Variants in ZC3H13 observed in about 807,000 individuals in gnomAD.
ZC3H13 encodes zinc finger CCCH domain-containing protein 13.
Under a neutral mutation model 204.1 loss-of-function variants are expected in ZC3H13, and 64 were observed. That is an observed-to-expected ratio of 0.31 (90% confidence interval 0.26 to 0.39). The LOEUF (loss-of-function observed/expected upper bound fraction) is 0.39. ZC3H13 is among the 10% of genes least tolerant of loss of function. The pLI is 1.00. For missense variants in ZC3H13, 1,833 were observed against 2,082.7 expected (o/e 0.88, Z 2.33); for synonymous variants, 667 against 693.7 (o/e 0.96, Z 0.60).
Position 45,956,764 on chromosome 13 carries a change from T to A in ZC3H13, c.*363A>T, listed in dbSNP as rs1185397369. 6.2e-6 allele frequency: 1 copy of A among 160,518 alleles called. No homozygotes were observed. The highest frequency in any genetic ancestry group is 1.4e-5 in the Non-Finnish European group (1 of 73,472). The allele number at this position is 160,518 out of a possible 1,614,324, so 9.9% of individuals were successfully genotyped here. A position where few individuals can be genotyped will look rare whatever the true frequency, so the allele number is the denominator to read the frequency against. ...ATTGTTTTTGAATAAAATTGTTGGTTCTGTATGGATGATCCAGACATAAAT... is the reference window on the plus strand; with the variant it reads ...ATTGTTTTTGAATAAAATTGTTGGTACTGTATGGATGATCCAGACATAAAT... On this transcript the variant is annotated 3_prime_UTR_variant, in exon 19 of 19. Transcript: ENST00000679008.
At chr13:46,015,961 C>G (rs1453532972) in intron 5 of ZC3H13, among the ~76,000 whole-genome samples, 1 of 151,488 alleles carries the variant, frequency 6.6e-6, no homozygotes, top group African/African-American at 2.4e-5. Flanking sequence ...AACACAATAG[C>G]AGAACGGCAG....
At chr13:46,033,200 T>C (rs1394628982) in intron 4 of ZC3H13, among the ~76,000 whole-genome samples, 1 of 152,066 alleles carries the variant, frequency 6.6e-6, no homozygotes, top group Non-Finnish European at 1.5e-5. Flanking sequence ...CAAAATTACT[T>C]GTAATTATCT....
At chr13:45,984,340 T>C (rs1472866675) in intron 10 of ZC3H13, among the ~76,000 whole-genome samples, 1 of 152,194 alleles carries the variant, frequency 6.6e-6, no homozygotes, top group Admixed American at 6.5e-5. Flanking sequence ...ATATATCCTT[T>C]TATACATTCA....
intron 11 of ZC3H13, among the ~76,000 whole-genome samples, chr13:45,978,310 T>C (rs1953241359): frequency 6.6e-6 from 1 of 152,090 alleles, no homozygotes; most frequent in African/African-American, 2.4e-5. Context: ...GTGCCTGACA[T>C]GGGTACTCAA....
chr13:46,017,114 G>A (rs113132544), intron 5 of ZC3H13, among the ~76,000 whole-genome samples: 4 of 152,026 alleles, frequency 2.6e-5, no homozygotes, highest in African/African-American at 7.2e-5. Flanking sequence ...CACGTACGAC[G>A]TTAATGAAGC....
At chr13:46,020,706 A>G in intron 4 of ZC3H13, 149 bp from the exon 5 acceptor site, 2 of 579,524 alleles carry the variant, frequency 3.5e-6, no homozygotes, top group South Asian at 4.7e-5. Flanking sequence ...TAAGTAGAGA[A>G]AGTGACAAAT....
At chr13:45,963,478 G>A in intron 17 of ZC3H13, 1 of 1,026,172 alleles carries the variant, frequency 9.7e-7, no homozygotes, top group Non-Finnish European at 1.2e-6. Context: ...TTGGAGTGTG[G>A]TGGCTCAATC....
At chr13:45,985,819 G>C in intron 9 of ZC3H13, 58 bp from the exon 10 acceptor site, 1 of 1,440,710 alleles carries the variant, frequency 6.9e-7, no homozygotes, top group South Asian at 1.4e-5. Flanking sequence ...CAGGAAACTA[G>C]AAAACATATT....
chr13:46,019,570 C>A (rs1380536771), intron 5 of ZC3H13, among the ~76,000 whole-genome samples: 3 of 152,084 alleles, frequency 2.0e-5, no homozygotes, highest in African/African-American at 7.2e-5. Context: ...AATACAAGTT[C>A]TCTTTCTCTG....
intron 5 of ZC3H13, among the ~76,000 whole-genome samples, chr13:46,012,979 T>C (rs914855817): frequency 2.0e-5 from 3 of 152,182 alleles, no homozygotes; most frequent in Non-Finnish European, 4.4e-5. Context: ...CGGTACTGTA[T>C]TATCAGTAAG....
chr13:45,969,289 G>T lies in ZC3H13; in HGVS notation c.3255C>A (p.Ala1085=), dbSNP rs753469799. 1 of 1,613,846 alleles carries T rather than the reference G, an allele frequency of 6.2e-7. No individual in the cohort carries two copies. Among genetic ancestry groups the T allele is most frequent in the Non-Finnish European group, 8.5e-7 (1 of 1,179,978 alleles). Reference sequence around the variant, plus strand: ...GGGTACTACCAGGAGTCGTGGCGGTGGCAGTATGCTCTGCTTCTGTCACCT... The same window carrying T: ...GGGTACTACCAGGAGTCGTGGCGGTTGCAGTATGCTCTGCTTCTGTCACCT... ...RTEVTEAEHT[A]TATTPGSTPS... Residue 1085 remains alanine, a synonymous_variant, in exon 14 of 19, where the codon GCC becomes GCA. Transcript: ENST00000679008.
intron 10 of ZC3H13, among the ~76,000 whole-genome samples, chr13:45,981,981 C>T (rs1034471846): frequency 2.0e-5 from 3 of 150,728 alleles, no homozygotes; most frequent in African/African-American, 7.3e-5. Flanking sequence ...AACTAACCTG[C>T]ACATTGTGCA....
chr13:45,980,227 G>A (rs1953443074), intron 10 of ZC3H13, among the ~76,000 whole-genome samples: 1 of 151,592 alleles, frequency 6.6e-6, no homozygotes, highest in East Asian at 1.9e-4. Flanking sequence ...CTATATAAAA[G>A]TCATATGATA....
intron 7 of ZC3H13, among the ~76,000 whole-genome samples, chr13:46,005,494 T>C (rs1437933035): frequency 6.6e-6 from 1 of 152,176 alleles, no homozygotes; most frequent in Non-Finnish European, 1.5e-5. Flanking sequence ...TTTTTTGATT[T>C]CTTCTTTTTT....
intron 4 of ZC3H13, among the ~76,000 whole-genome samples, chr13:46,027,181 T>C (rs1348738828): frequency 2.0e-5 from 3 of 152,196 alleles, no homozygotes; most frequent in Non-Finnish European, 4.4e-5. Flanking sequence ...CTTGGCTCAC[T>C]GCAACCTCTG....
At chr13:46,022,037 G>T (rs1300926891) in intron 4 of ZC3H13, among the ~76,000 whole-genome samples, 1 of 151,916 alleles carries the variant, frequency 6.6e-6, no homozygotes, top group African/African-American at 2.4e-5. Context: ...CAGAGCAGTA[G>T]TGCTGGTGCT....
chr13:46,000,849 T>C (rs1262342712), intron 8 of ZC3H13, among the ~76,000 whole-genome samples: 2 of 152,230 alleles, frequency 1.3e-5, no homozygotes, highest in African/African-American at 2.4e-5. Context: ...AGACTCTTCC[T>C]TTCTACTTGA....
In ZC3H13 at chr13:45,982,634, A is replaced by T. The variant is rs117585961; in HGVS notation, c.1721-2630T>A. Reference sequence around the variant, plus strand: ...ATGCCCTTTATCTGAAATGCTTGGGACCACAGGTGTTTTGGATTTTGGAAT... The same window carrying T: ...ATGCCCTTTATCTGAAATGCTTGGGTCCACAGGTGTTTTGGATTTTGGAAT... On this transcript the variant is annotated intron_variant, in intron 10 of 18. Coordinates refer to ENST00000679008, the MANE Select transcript of ZC3H13 (RefSeq NM_001330564.2). 3.2e-3 allele frequency among the ~76,000 whole-genome samples: 487 copies of T among 152,264 alleles called. 2 individuals are homozygous for T. The highest frequency in any genetic ancestry group is 4.8e-3 in the Non-Finnish European group (327 of 68,006).
chr13:46,045,391 C>T lies in ZC3H13; in HGVS notation c.117G>A (p.Glu39=). The T allele has an allele frequency of 1.2e-6, 2 of 1,612,856 alleles. No homozygotes were observed. Among genetic ancestry groups the T allele is most frequent in the Non-Finnish European group, 8.5e-7 (1 of 1,178,930 alleles). The part of the protein sequence containing the change: ...RLGPSTGSTA[E]TQCRNWLKTG... ...TGTGACTATACTAGTGACAACTCAC[C>T]TCTGCTGTACTGCCAGTGCTGGGTC... is the stretch of plus-strand genomic sequence containing the variant. The change falls in exon 2 of 19, where the codon GAG becomes GAA. Residue 39 remains glutamate (E), a splice_region_variant and synonymous_variant. Coordinates refer to ENST00000679008, the MANE Select transcript of ZC3H13 (RefSeq NM_001330564.2).
Sources: allele counts gnomAD v4.1 joint callset (sites outside exome capture counted in the v4.1 genomes callset), GRCh38; gene constraint gnomAD v4.1.1; transcripts MANE v1.5; gene names NCBI Gene and HGNC (gene_info 2026-07-23, HGNC 2026-07-21).